Variants in EFL1 observed in about 807,000 individuals in gnomAD.
EFL1 encodes elongation factor like GTPase 1.
In EFL1, 76 loss-of-function variants were observed where a neutral mutation model predicts 126.7. The ratio of observed to expected loss-of-function variants is 0.60; its 90% confidence interval spans 0.50 to 0.73. The LOEUF (loss-of-function observed/expected upper bound fraction) is 0.73, where lower values mean the gene tolerates loss of function less well. Ranked by LOEUF, EFL1 falls within the 30% of genes least tolerant of loss-of-function variation. The pLI is 0.00. For missense variants in EFL1, 1,128 were observed against 1,343.2 expected (o/e 0.84, Z 2.50); for synonymous variants, 410 against 448.4 (o/e 0.91, Z 1.08).
At chr15:82,191,847 T>C (rs2074363250) in intron 15 of EFL1, among the ~76,000 whole-genome samples, 1 of 152,180 alleles carries the variant, frequency 6.6e-6, no homozygotes, top group South Asian at 2.1e-4. Flanking sequence ...AAGAGCTTTA[T>C]ATTTGCGACT....
At chr15:82,157,315 A>G (rs924937538) in intron 17 of EFL1, among the ~76,000 whole-genome samples, 30 of 152,222 alleles carry the variant, frequency 2.0e-4, no homozygotes, top group Admixed American at 1.6e-3. Context: ...TTATAGAAAA[A>G]CATAAAGATT....
At position 82,151,925 on chromosome 15, in the gene EFL1, A is replaced by C; in HGVS notation, c.2529T>G (p.Phe843Leu). ...CTGGACCTGTCCATACTGAGTTCTG[A>C]AAATCTTCACTTTTATTGACTAGTA... is the stretch of plus-strand genomic sequence containing the variant. ...PNILVNKSED[F>L]QNSVWTGPAD... is the part of the protein sequence containing the mutation. The change falls in exon 18 of 20, where the codon TTT becomes TTG. Residue 843 changes from phenylalanine (F) to leucine (L), a missense_variant. Physicochemically the swap from Phe to Leu is conservative, Grantham distance 22 (BLOSUM62 0). Around this residue, in one of 6 missense-constraint regions of EFL1, gnomAD observed 561 missense variants for 641.7 expected, o/e 0.87. Transcript: ENST00000268206. 1.2e-6 allele frequency: 2 copies of C among 1,614,104 alleles called. No individual in the cohort carries two copies. Among genetic ancestry groups the C allele is most frequent in the African/African-American group, 1.3e-5 (1 of 75,040 alleles).
chr15:82,208,656 A>G (rs1211227310), intron 15 of EFL1, among the ~76,000 whole-genome samples: 2 of 152,204 alleles, frequency 1.3e-5, no homozygotes, highest in Non-Finnish European at 2.9e-5. Context: ...TAACGCAGGA[A>G]TTCAAGGACG....
chr15:82,191,709 G>T (rs1413902298), intron 15 of EFL1, among the ~76,000 whole-genome samples: 1 of 152,010 alleles, frequency 6.6e-6, no homozygotes, highest in Non-Finnish European at 1.5e-5. Flanking sequence ...ACAAACTGAG[G>T]TTTTGGTCAA....
At chr15:82,131,020 GA>G (rs916156998) in intron 19 of EFL1, among the ~76,000 whole-genome samples, 80 of 144,182 alleles carry the variant, frequency 5.5e-4, no homozygotes, top group African/African-American at 1.8e-3. Flanking sequence ...AACTTAAAAA[GA>G]AAAAAAAAAG....
chr15:82,214,696 A>G (rs2074626550), intron 15 of EFL1, 21 bp downstream of exon 15: 1 of 1,449,256 alleles, frequency 6.9e-7, no homozygotes, highest in African/African-American at 1.4e-5. Flanking sequence ...AGTAAGGATA[A>G]AATAAACAGC....
At chr15:82,211,563 C>CACACACAG (rs1733685848) in intron 15 of EFL1, among the ~76,000 whole-genome samples, 3 of 133,770 alleles carry the variant, frequency 2.2e-5, no homozygotes, top group Non-Finnish European at 4.9e-5. Context: ...CACACACACA[C>CACACACAG]ACACACACAC....
At chr15:82,173,766 T>C (rs972190457) in intron 15 of EFL1, among the ~76,000 whole-genome samples, 6 of 152,166 alleles carry the variant, frequency 3.9e-5, no homozygotes, top group African/African-American at 1.4e-4. Flanking sequence ...TATTCCAAAA[T>C]GTCAATAGTG....
chr15:82,190,487 T>G (rs1011345523), intron 15 of EFL1, among the ~76,000 whole-genome samples: 6 of 152,240 alleles, frequency 3.9e-5, no homozygotes, highest in Non-Finnish European at 5.9e-5. Flanking sequence ...TCTTCTATGT[T>G]CATTCCAAGA....
chr15:82,166,017 G>A (rs1042249551), intron 15 of EFL1, among the ~76,000 whole-genome samples: 3 of 152,138 alleles, frequency 2.0e-5, no homozygotes, highest in Non-Finnish European at 4.4e-5. Context: ...GTACTATGAT[G>A]TAACAGATCT....
intron 3 of EFL1, among the ~76,000 whole-genome samples, chr15:82,257,790 T>A (rs1424928873): frequency 1.3e-5 from 2 of 152,244 alleles, no homozygotes; most frequent in Non-Finnish European, 2.9e-5. Flanking sequence ...CTCTTTGTAT[T>A]TGTTAGCTGG....
chr15:82,184,550 G>A (rs1312051043), intron 15 of EFL1, among the ~76,000 whole-genome samples: 2 of 152,182 alleles, frequency 1.3e-5, no homozygotes, highest in East Asian at 1.9e-4. Context: ...CATTAAAGCA[G>A]CACCCACCTG....
intron 15 of EFL1, among the ~76,000 whole-genome samples, chr15:82,188,901 T>TA (rs1259859432): frequency 6.7e-6 from 1 of 150,060 alleles, no homozygotes; most frequent in Non-Finnish European, 1.5e-5. Flanking sequence ...TTTGCAATGT[T>TA]AGAGAATGTG....
At chr15:82,230,031 C>A (rs1318740767) in intron 8 of EFL1, among the ~76,000 whole-genome samples, 2 of 152,152 alleles carry the variant, frequency 1.3e-5, no homozygotes, top group African/African-American at 4.8e-5. Context: ...TAGCTATATT[C>A]ACTCCCTTTA....
intron 18 of EFL1, among the ~76,000 whole-genome samples, chr15:82,144,901 G>T (rs1311102586): frequency 6.6e-6 from 1 of 151,992 alleles, no homozygotes; most frequent in African/African-American, 2.4e-5. Context: ...GTTAAGGCAG[G>T]AGAATTGCTT....
chr15:82,226,160 T>C (rs2141310067), intron 11 of EFL1, among the ~76,000 whole-genome samples: 1 of 152,116 alleles, frequency 6.6e-6, no homozygotes, highest in Non-Finnish European at 1.5e-5. Flanking sequence ...TTCATTGTTG[T>C]TGTTGTTGTT....
At chr15:82,171,057 T>A (rs1471274543) in intron 15 of EFL1, among the ~76,000 whole-genome samples, 1 of 152,208 alleles carries the variant, frequency 6.6e-6, no homozygotes, top group Non-Finnish European at 1.5e-5. Context: ...CTGAATTCCT[T>A]CTACCTTTAA....
chr15:82,250,515 G>A (rs2075011634), intron 4 of EFL1, among the ~76,000 whole-genome samples: 1 of 141,484 alleles, frequency 7.1e-6, no homozygotes. Context: ...ACAAGAGATT[G>A]AAGCAGTAGG....
intron 17 of EFL1, 106 bp from the exon 18 acceptor site, chr15:82,152,529 C>G: frequency 1.0e-6 from 1 of 980,856 alleles, no homozygotes; most frequent in Non-Finnish European, 1.5e-6. Context: ...AACATAGGAA[C>G]ATAAAAATTA....
Sources: gnomAD v4.1 joint callset for allele counts (sites outside exome capture counted in the v4.1 genomes callset) on GRCh38, gnomAD v4.1.1 for gene constraint, gnomAD v4.1.1 regional missense constraint, MANE v1.5 for transcripts, NCBI Gene and HGNC (gene_info 2026-07-23, HGNC 2026-07-21) for gene names.